Variants in ELL2 observed in about 807,000 individuals in gnomAD.
ELL2 encodes the protein RNA polymerase II elongation factor ELL2.
A neutral mutation model predicts 72.8 loss-of-function variants in ELL2; 21 were observed. The observed-to-expected ratio is 0.29, with a 90% confidence interval of 0.20 to 0.42. The LOEUF is 0.42. Ranked by LOEUF, ELL2 falls within the 10% of genes least tolerant of loss-of-function variation. The probability of loss-of-function intolerance (pLI) is 1.00; values close to 1 mark genes in which losing one functional copy is unlikely to be tolerated. For missense variants in ELL2, 568 were observed against 772.8 expected (o/e 0.73, Z 3.14); for synonymous variants, 266 against 283.2 (o/e 0.94, Z 0.61).
intron 3 of ELL2, among the ~76,000 whole-genome samples, chr5:95,915,604 A>C (rs1749761466): frequency 6.6e-6 from 1 of 151,994 alleles, no homozygotes; most frequent in Non-Finnish European, 1.5e-5. Flanking sequence ...AGGATGGACA[A>C]ACTGGAAATC....
intron 9 of ELL2, 133 bp from the exon 10 acceptor site, chr5:95,891,407 T>C: frequency 1.1e-6 from 1 of 935,916 alleles, no homozygotes; most frequent in Non-Finnish European, 1.5e-6. Flanking sequence ...CTGCCACTGG[T>C]TGGCTGCCAG....
rs376048772 is a variant in ELL2, at chr5:95,906,829, T to C, written c.482-47A>G. The stretch of plus-strand genomic sequence containing the variant: ...ATTGTTACACATTTGTGGGTTACAA[T>C]ATGAGCACCTCAGTTTCCACAATTC... On this transcript the variant is annotated intron_variant, in intron 4 of 11. Coordinates refer to ENST00000237853, the MANE Select transcript of ELL2 (RefSeq NM_012081.6). 4 of 1,525,378 alleles carry C rather than the reference T, an allele frequency of 2.6e-6. No individual in the cohort carries two copies. In the African/African-American group the frequency reaches 4.2e-5, roughly 16 times the overall value. 94.5% of individuals were successfully genotyped at this position (1,525,378 alleles called of 1,614,324 possible).
chr5:95,917,754 C>CT (rs5869700), intron 3 of ELL2, among the ~76,000 whole-genome samples: 67,994 of 151,946 alleles, frequency 0.45, 16,882 homozygotes, highest in East Asian at 0.87. Flanking sequence ...ACCTTAAATC[C>CT]TTTCCAAACA....
intron 2 of ELL2, among the ~76,000 whole-genome samples, chr5:95,933,872 T>C (rs1345102445): frequency 2.0e-5 from 3 of 152,124 alleles, no homozygotes; most frequent in Non-Finnish European, 4.4e-5. Context: ...CATTATTCTA[T>C]TCTTCAAGTT....
intron 2 of ELL2, among the ~76,000 whole-genome samples, chr5:95,933,291 G>A (rs1172865462): frequency 3.3e-5 from 5 of 152,044 alleles, no homozygotes; most frequent in Admixed American, 3.3e-4. Flanking sequence ...GCCATATCTA[G>A]GAATCTATCC....
intron 2 of ELL2, among the ~76,000 whole-genome samples, chr5:95,922,876 T>A (rs761554453): frequency 6.6e-6 from 1 of 152,214 alleles, no homozygotes; most frequent in East Asian, 1.9e-4. Flanking sequence ...GTGTTACACA[T>A]AGATTAAAAC....
Position 95,941,418 on chromosome 5 carries a change from A to G in ELL2, c.195+1584T>C, listed in dbSNP as rs563027952. 1.1e-4 allele frequency among the ~76,000 whole-genome samples: 16 copies of G among 152,234 alleles called. No homozygotes were observed. The South Asian group carries it at 3.1e-3, about 30-fold the overall frequency. On this transcript the variant is annotated intron_variant, in intron 2 of 11. Coordinates refer to ENST00000237853, the MANE Select transcript of ELL2 (RefSeq NM_012081.6). Reference sequence around the variant, plus strand: ...TCAAATATAAACTGCCTGCTTTGCAATGCTGCTTGGGGCCCAGGGGCAACT... The same window carrying G: ...TCAAATATAAACTGCCTGCTTTGCAGTGCTGCTTGGGGCCCAGGGGCAACT...
At chr5:95,917,302 TAAG>T (rs757849802) in intron 3 of ELL2, among the ~76,000 whole-genome samples, 27 of 152,224 alleles carry the variant, frequency 1.8e-4, no homozygotes, top group Admixed American at 1.3e-4. Context: ...AAAATATAGA[TAAG>T]AAGACTAGTT....
chr5:95,904,503 CA>C (rs1749271719), intron 5 of ELL2, among the ~76,000 whole-genome samples: 1 of 152,172 alleles, frequency 6.6e-6, no homozygotes, highest in East Asian at 1.9e-4. Context: ...AATTTAGGTA[CA>C]AATTTTACCG....
At chr5:95,925,382 C>A (rs1008367841) in intron 2 of ELL2, among the ~76,000 whole-genome samples, 5 of 152,182 alleles carry the variant, frequency 3.3e-5, no homozygotes, top group African/African-American at 1.2e-4. Flanking sequence ...AGATTGACAA[C>A]CCCTGTACTA....
chr5:95,909,773 C>A (rs781756232), intron 4 of ELL2, among the ~76,000 whole-genome samples: 1 of 152,106 alleles, frequency 6.6e-6, no homozygotes, highest in Non-Finnish European at 1.5e-5. Context: ...AACAAGGAGT[C>A]CAATTCTAGC....
At chr5:95,936,217 G>C (rs1184562284) in intron 2 of ELL2, among the ~76,000 whole-genome samples, 1 of 152,150 alleles carries the variant, frequency 6.6e-6, no homozygotes, top group East Asian at 1.9e-4. Context: ...GTATTTGAAG[G>C]CCACTCATTT....
In ELL2 at chr5:95,888,310, T is replaced by C. The variant is rs1156912500; in HGVS notation, c.*561A>G. ...GATCAAGTCAGCCTGTATATACATA[T>C]GTGTATGTGAATCTATACACATACA... On this transcript the variant is annotated 3_prime_UTR_variant, in exon 12 of 12. Transcript: ENST00000237853. 1 of 152,578 alleles carries C rather than the reference T, an allele frequency of 6.6e-6. No individual in the cohort carries two copies. Among genetic ancestry groups the C allele is most frequent in the Non-Finnish European group, 1.5e-5 (1 of 68,072 alleles). The allele number at this position is 152,578 out of a possible 1,614,324, so 9.5% of individuals were successfully genotyped here.
chr5:95,900,622 A>G (rs1384635447), intron 7 of ELL2, 71 bp downstream of exon 7: 9 of 1,124,274 alleles, frequency 8.0e-6, no homozygotes, highest in Non-Finnish European at 9.9e-6. Context: ...TCCTTCACTT[A>G]TACATCAGAG....
chr5:95,961,381 G>A (rs1341022016), intron 1 of ELL2, among the ~76,000 whole-genome samples, 194 bp downstream of exon 1: 1 of 151,592 alleles, frequency 6.6e-6, no homozygotes, highest in African/African-American at 2.4e-5. Context: ...CCGACTGCCC[G>A]CTTCCCCAAC....
In ELL2 at chr5:95,901,034, T is replaced by C. The variant is rs1466081226; in HGVS notation, c.788A>G (p.Tyr263Cys). The C allele has an allele frequency of 3.7e-6, 6 of 1,613,520 alleles. No individual in the cohort carries two copies. In the African/African-American group the frequency reaches 8.0e-5, roughly 22 times the overall value. The change falls in exon 6 of 12, where the codon TAT becomes TGT. Residue 263 changes from tyrosine (Y) to cysteine (C), a missense_variant. Coordinates refer to ENST00000237853, the MANE Select transcript of ELL2 (RefSeq NM_012081.6). ...SKDLSYTLKD[Y>C]VFKELQRDWP... ...GTCTCTTTGAAGCTCTTTAAAAACA[T>C]AATCCTTTAAGGTATATGAGAGGTC... is the stretch of plus-strand genomic sequence containing the variant.
intron 3 of ELL2, among the ~76,000 whole-genome samples, chr5:95,916,477 T>A (rs1749803811): frequency 6.6e-6 from 1 of 151,998 alleles, no homozygotes; most frequent in Non-Finnish European, 1.5e-5. Context: ...GAGTACTGTG[T>A]AATGTAAGCC....
chr5:95,949,699 G>A (rs1371476930), intron 1 of ELL2, among the ~76,000 whole-genome samples: 15 of 121,798 alleles, frequency 1.2e-4, no homozygotes, highest in Non-Finnish European at 1.6e-4. Context: ...TAAAGATACT[G>A]CAAAAAAAAA....
chr5:95,897,909 G>A (rs1748934915), intron 8 of ELL2, among the ~76,000 whole-genome samples: 1 of 152,034 alleles, frequency 6.6e-6, no homozygotes, highest in African/African-American at 2.4e-5. Context: ...TTCAAGAATG[G>A]CATATAATAG....
Sources: gnomAD v4.1 joint callset for allele counts (sites outside exome capture counted in the v4.1 genomes callset) on GRCh38, gnomAD v4.1.1 for gene constraint, MANE v1.5 for transcripts, NCBI Gene and HGNC (gene_info 2026-07-23, HGNC 2026-07-21) for gene names.